NALF1: variants seen among roughly 807,000 people sequenced by gnomAD.
NALF1 encodes the protein NALCN channel auxiliary factor 1.
NALF1 carries 3 observed loss-of-function variants against 48.4 expected under a neutral mutation model. The ratio of observed to expected loss-of-function variants is 0.06; its 90% CI spans 0.03 to 0.16. The LOEUF (loss-of-function observed/expected upper bound fraction) is 0.16. Ranked by LOEUF, NALF1 falls within the 10% of genes least tolerant of loss-of-function variation. The pLI is 1.00. For missense variants in NALF1, 526 were observed against 571.5 expected (o/e 0.92, Z 0.81); for synonymous variants, 262 against 245.7 (o/e 1.07, Z -0.62).
At chr13:107,739,797 C>T (rs1185735610) in intron 1 of NALF1, among the ~76,000 whole-genome samples, 2 of 152,168 alleles carry the variant, frequency 1.3e-5, no homozygotes, top group African/African-American at 4.8e-5. Context: ...ACCGCCTGAG[C>T]TCTGCATCCT....
intron 1 of NALF1, among the ~76,000 whole-genome samples, chr13:107,582,304 G>A (rs939081167): frequency 6.6e-6 from 1 of 152,188 alleles, no homozygotes; most frequent in Non-Finnish European, 1.5e-5. Context: ...TAACACTACT[G>A]TGTGAAGAAA....
At chr13:107,703,466 C>G (rs1881875319) in intron 1 of NALF1, among the ~76,000 whole-genome samples, 2 of 151,734 alleles carry the variant, frequency 1.3e-5, no homozygotes, top group Non-Finnish European at 2.9e-5. Flanking sequence ...CTGCCTCAGC[C>G]TCCCGAGTAG....
intron 1 of NALF1, among the ~76,000 whole-genome samples, chr13:107,808,538 A>T (rs1475619220): frequency 6.6e-6 from 1 of 152,078 alleles, no homozygotes; most frequent in Non-Finnish European, 1.5e-5. Flanking sequence ...TCAACTATGA[A>T]CAGAGGCTTT....
intron 1 of NALF1, among the ~76,000 whole-genome samples, chr13:107,832,400 C>T: frequency 6.6e-6 from 1 of 151,946 alleles, no homozygotes; most frequent in Non-Finnish European, 1.5e-5. Context: ...TATACATGCA[C>T]ATTAGTGCTA....
chr13:107,564,520 T>C (rs553710783), intron 1 of NALF1, among the ~76,000 whole-genome samples: 2 of 152,318 alleles, frequency 1.3e-5, no homozygotes, highest in Admixed American at 6.5e-5. Flanking sequence ...CCCAGTGTAA[T>C]AAAGACCAAA....
intron 1 of NALF1, among the ~76,000 whole-genome samples, chr13:107,380,687 C>T (rs9559031): frequency 0.085 from 12,862 of 152,158 alleles, 824 homozygotes; most frequent in East Asian, 0.32. Flanking sequence ...AGAATACATA[C>T]ATTTTAGTGG....
intron 1 of NALF1, among the ~76,000 whole-genome samples, chr13:107,451,028 C>T (rs1884731003): frequency 6.6e-6 from 1 of 152,130 alleles, no homozygotes; most frequent in African/African-American, 2.4e-5. Context: ...AGGATGTGAA[C>T]CTTCTGAAAC....
intron 1 of NALF1, among the ~76,000 whole-genome samples, chr13:107,652,139 T>A (rs576082145): frequency 8.4e-4 from 128 of 152,288 alleles, no homozygotes; most frequent in African/African-American, 3.0e-3. Context: ...TTACTTGGAC[T>A]GGGACTTTGG....
At chr13:107,713,545 TAA>T (rs1875664173) in intron 1 of NALF1, among the ~76,000 whole-genome samples, 1 of 152,166 alleles carries the variant, frequency 6.6e-6, no homozygotes, top group Non-Finnish European at 1.5e-5. Context: ...AACTGAGGGA[TAA>T]AGAGATTATA....
At chr13:107,861,863 T>G (rs1433736770) in intron 1 of NALF1, among the ~76,000 whole-genome samples, 1 of 66,076 alleles carries the variant, frequency 1.5e-5, no homozygotes, top group African/African-American at 6.3e-5. Context: ...TTGTACATTA[T>G]GTAACCAAAC....
At chr13:107,379,684 C>T (rs1883398044) in intron 1 of NALF1, among the ~76,000 whole-genome samples, 1 of 152,190 alleles carries the variant, frequency 6.6e-6, no homozygotes, top group African/African-American at 2.4e-5. Context: ...AGAGAATTCT[C>T]TTTCTCCTCT....
In NALF1 at chr13:107,362,195, G is replaced by A. The variant is rs1259762738; in HGVS notation, c.916-151440C>T. On this transcript the variant is annotated intron_variant, in intron 1 of 2. Transcript: ENST00000375915. The surrounding 1 kb of genome is among the most constrained non-coding windows in gnomAD (Gnocchi z 4.6). ...GATTCTCCAAATGACAAGGTTACCT[G>A]ATGGTGGGGAAAAACGGGGTCAGGT... Among the ~76,000 whole-genome samples the A allele has an allele frequency of 1.3e-5, 2 of 152,152 alleles. No individual in the cohort carries two copies. Among genetic ancestry groups the A allele is most frequent in the Admixed American group, 1.3e-4 (2 of 15,266 alleles).
intron 1 of NALF1, among the ~76,000 whole-genome samples, chr13:107,487,909 G>C (rs568178188): frequency 6.6e-6 from 1 of 151,768 alleles, no homozygotes; most frequent in South Asian, 2.1e-4. Context: ...CTGGTCCTGG[G>C]CTTTTCTTGG....
rs139248137 is a variant in NALF1 at position 107,730,195 on chromosome 13, T to G, written c.915+135487A>C. On this transcript the variant is annotated intron_variant, in intron 1 of 2. Transcript: ENST00000375915. ...TCGAGAATCATTACATTATTTGTAT[T>G]ATTGCTACTTTGCTCTAAATAAAGT... Among the ~76,000 whole-genome samples, 56 of 152,334 alleles carry G rather than the reference T, an allele frequency of 3.7e-4. No homozygotes were observed. The East Asian group carries it at 0.011, about 29-fold the overall frequency.
intron 1 of NALF1, among the ~76,000 whole-genome samples, chr13:107,310,192 T>G (rs528507619): frequency 9.9e-5 from 15 of 152,016 alleles, no homozygotes; most frequent in Non-Finnish European, 5.9e-5. Flanking sequence ...GGCGGATCAC[T>G]TGAGGTCAGG....
chr13:107,780,897 G>A (rs781282450), intron 1 of NALF1, among the ~76,000 whole-genome samples: 5 of 152,096 alleles, frequency 3.3e-5, no homozygotes, highest in Non-Finnish European at 7.3e-5. Context: ...AAAAATCTGA[G>A]CTCTTGAAAA....
intron 1 of NALF1, among the ~76,000 whole-genome samples, chr13:107,633,448 C>T (rs1219985179): frequency 3.3e-5 from 5 of 151,736 alleles, no homozygotes; most frequent in African/African-American, 1.2e-4. Context: ...TATCATAATG[C>T]ACCATTTTAT....
At position 107,556,302 on chromosome 13, in the gene NALF1, C is replaced by T. The variant is rs910108079; in HGVS notation, c.915+309380G>A. Among the ~76,000 whole-genome samples, 1,136 of 145,406 alleles carry T rather than the reference C, an allele frequency of 7.8e-3. 9 individuals are homozygous for T. The highest frequency in any genetic ancestry group is 0.019 in the African/African-American group (726 of 37,472). ...ATATATATATATATATATATACACA[C>T]ACACACACACACACACATATATATA... On this transcript the variant is annotated intron_variant, in intron 1 of 2. Coordinates refer to ENST00000375915, the MANE Select transcript of NALF1 (RefSeq NM_001080396.3).
chr13:107,608,967 C>A (rs551716234), intron 1 of NALF1, among the ~76,000 whole-genome samples: 1 of 152,150 alleles, frequency 6.6e-6, no homozygotes, highest in African/African-American at 2.4e-5. Flanking sequence ...GGGGCAGAGG[C>A]CTGCCTTCAA....
Sources: gnomAD v4.1 joint callset for allele counts (sites outside exome capture counted in the v4.1 genomes callset) on GRCh38, gnomAD v4.1.1 for gene constraint, Gnocchi (gnomAD v3.1) non-coding constraint, MANE v1.5 for transcripts, NCBI Gene and HGNC (gene_info 2026-07-23, HGNC 2026-07-21) for gene names.